C1orf21: variants seen among roughly 807,000 people sequenced by gnomAD.
C1orf21 encodes chromosome 1 open reading frame 21.
Under a neutral mutation model 18.7 loss-of-function variants are expected in C1orf21, and 3 were observed. The observed-to-expected ratio is 0.16, with a 90% CI of 0.07 to 0.42. The LOEUF (loss-of-function observed/expected upper bound fraction) is 0.42, where lower values mean the gene tolerates loss of function less well. Ranked by LOEUF, C1orf21 falls within the 10% of genes least tolerant of loss-of-function variation. The probability of loss-of-function intolerance (pLI) is 0.99; values close to 1 mark genes in which losing one functional copy is unlikely to be tolerated. For missense variants in C1orf21, 104 were observed against 143.6 expected (o/e 0.72, Z 1.41); for synonymous variants, 41 against 46.4 (o/e 0.88, Z 0.47).
chr1:184,475,671 T>A (rs1657559718), intron 1 of C1orf21, among the ~76,000 whole-genome samples: 1 of 151,946 alleles, frequency 6.6e-6, no homozygotes, highest in African/African-American at 2.4e-5. Context: ...TACACCAGTA[T>A]GAATAGACCA....
At position 184,477,737 on chromosome 1, in the gene C1orf21, A is replaced by C. The variant is rs528266262; in HGVS notation, c.94+134A>C. On this transcript the variant is annotated intron_variant, in intron 2 of 5. Coordinates refer to ENST00000235307, the MANE Select transcript of C1orf21 (RefSeq NM_030806.4). Reference sequence around the variant, plus strand: ...TACATGCCTAGAATGTGTAACGATCAAGTCGGTATTTAGGATATCTATCAC... The same window carrying C: ...TACATGCCTAGAATGTGTAACGATCCAGTCGGTATTTAGGATATCTATCAC... 1.1e-4 allele frequency: 76 copies of C among 684,416 alleles called. 1 individual carries two copies. The South Asian group carries it at 1.5e-3, about 14-fold the overall frequency. 42.4% of individuals were successfully genotyped at this position (684,416 alleles called of 1,614,324 possible).
intron 4 of C1orf21, among the ~76,000 whole-genome samples, chr1:184,597,981 T>TC (rs1659539002): frequency 6.6e-6 from 1 of 152,228 alleles, no homozygotes; most frequent in Non-Finnish European, 1.5e-5. Context: ...CTGATACTGA[T>TC]AACCTTTGTA....
At chr1:184,447,412 G>A (rs1321909785) in intron 1 of C1orf21, among the ~76,000 whole-genome samples, 2 of 152,174 alleles carry the variant, frequency 1.3e-5, no homozygotes, top group African/African-American at 4.8e-5. Context: ...CACGTTTCAT[G>A]GCTTTTTCTT....
intron 3 of C1orf21, among the ~76,000 whole-genome samples, chr1:184,517,855 C>T (rs1658252789): frequency 6.6e-6 from 1 of 152,178 alleles, no homozygotes; most frequent in Admixed American, 6.5e-5. Flanking sequence ...ATGGTTCTAA[C>T]TCAGTAGTCT....
intron 3 of C1orf21, among the ~76,000 whole-genome samples, chr1:184,515,933 C>T (rs955629420): frequency 6.6e-6 from 1 of 152,184 alleles, no homozygotes; most frequent in Non-Finnish European, 1.5e-5. Flanking sequence ...CTGCCTCAGC[C>T]TCCTGAGTAA....
intron 3 of C1orf21, among the ~76,000 whole-genome samples, chr1:184,579,385 T>G (rs1344792235): frequency 8.2e-6 from 1 of 121,528 alleles, no homozygotes; most frequent in African/African-American, 3.4e-5. Flanking sequence ...CTGGGTTTTT[T>G]TTTTTTTTTT....
intron 1 of C1orf21, among the ~76,000 whole-genome samples, chr1:184,401,687 T>C (rs1353973800): frequency 6.6e-6 from 1 of 152,048 alleles, no homozygotes; most frequent in Non-Finnish European, 1.5e-5. Flanking sequence ...TTTTAAGTCA[T>C]TGTTGGAAAA....
At chr1:184,563,731 G>T (rs1475064939) in intron 3 of C1orf21, among the ~76,000 whole-genome samples, 1 of 152,222 alleles carries the variant, frequency 6.6e-6, no homozygotes, top group Non-Finnish European at 1.5e-5. Flanking sequence ...CATTGTCGCT[G>T]CTTTGGTTGG....
At position 184,407,477 on chromosome 1, in the gene C1orf21, T is replaced by C. The variant is rs1407260330; in HGVS notation, c.-125+20109T>C. On this transcript the variant is annotated intron_variant, in intron 1 of 5. Transcript: ENST00000235307. ...AGAAAATCTCTCAGGTAAGATTTTC[T>C]TTTTAAGCTAAATGAGACTTTCCCC... Among the ~76,000 whole-genome samples, 13 of 152,368 alleles carry C rather than the reference T, an allele frequency of 8.5e-5. No homozygotes were observed. In the East Asian group the frequency reaches 2.1e-3, roughly 25 times the overall value.
chr1:184,530,834 C>G lies in C1orf21; in HGVS notation c.189+23152C>G, dbSNP rs1303024643. Among the ~76,000 whole-genome samples, 2 of 152,092 alleles carry G rather than the reference C, an allele frequency of 1.3e-5. 1 individual carries two copies. Among genetic ancestry groups the G allele is most frequent in the Non-Finnish European group, 2.9e-5 (2 of 68,006 alleles). ...ATACCCTACTGAACGTCAGTATCCTCCCTTTAAGAGATTGCCCCTTTTCTT... is the reference window on the plus strand; with the variant it reads ...ATACCCTACTGAACGTCAGTATCCTGCCTTTAAGAGATTGCCCCTTTTCTT... On this transcript the variant is annotated intron_variant, in intron 3 of 5. Coordinates refer to ENST00000235307, the MANE Select transcript of C1orf21 (RefSeq NM_030806.4).
chr1:184,558,686 C>T (rs950537070), intron 3 of C1orf21, among the ~76,000 whole-genome samples: 1 of 152,186 alleles, frequency 6.6e-6, no homozygotes, highest in Non-Finnish European at 1.5e-5. Context: ...TTCGAGTAAA[C>T]TTGGGCTAGC....
intron 2 of C1orf21, among the ~76,000 whole-genome samples, chr1:184,489,572 T>C (rs1038091081): frequency 1.3e-5 from 2 of 152,110 alleles, no homozygotes; most frequent in Non-Finnish European, 2.9e-5. Flanking sequence ...GTGCTAGGAA[T>C]TTATCTTAGG....
chr1:184,588,859 GCCT>G (rs1298815719), intron 3 of C1orf21, among the ~76,000 whole-genome samples: 1 of 152,056 alleles, frequency 6.6e-6, no homozygotes. Context: ...TCTTCCTGTT[GCCT>G]CTGTCTCACT....
chr1:184,567,616 G>C (rs574286778), intron 3 of C1orf21: 6 of 446,816 alleles, frequency 1.3e-5, no homozygotes, highest in African/African-American at 8.0e-5. Context: ...GGGGCAGGCA[G>C]TGGAGGATGC....
intron 1 of C1orf21, among the ~76,000 whole-genome samples, chr1:184,428,354 G>A (rs1478662774): frequency 1.3e-5 from 2 of 152,178 alleles, no homozygotes; most frequent in African/African-American, 4.8e-5. Context: ...TTACTTCAAT[G>A]AACAGCTGAG....
rs906536032 is a variant in C1orf21, at chr1:184,624,127, A to G, written c.*4571A>G. 3 of 152,662 alleles carry G rather than the reference A, an allele frequency of 2.0e-5. No individual in the cohort carries two copies. Among genetic ancestry groups the G allele is most frequent in the Admixed American group, 2.0e-4 (3 of 15,284 alleles). 9.5% of individuals were successfully genotyped at this position (152,662 alleles called of 1,614,324 possible). ...CCATGTTGAAAGAAGGAAAGATGTC[A>G]TTCAAGTATTTTTCAAATTCTTTTT... On this transcript the variant is annotated 3_prime_UTR_variant, in exon 6 of 6. Coordinates refer to ENST00000235307, the MANE Select transcript of C1orf21 (RefSeq NM_030806.4).
chr1:184,610,548 G>A (rs920822244), intron 5 of C1orf21, among the ~76,000 whole-genome samples: 1 of 152,098 alleles, frequency 6.6e-6, no homozygotes, highest in Non-Finnish European at 1.5e-5. Flanking sequence ...TGAAAAGTAC[G>A]TGGCTTAAAG....
At chr1:184,520,337 A>C (rs1301005287) in intron 3 of C1orf21, among the ~76,000 whole-genome samples, 4 of 152,196 alleles carry the variant, frequency 2.6e-5, no homozygotes, top group Non-Finnish European at 4.4e-5. Context: ...GAATTTTTAC[A>C]GTTGAGTGCA....
At chr1:184,460,620 G>GTCGTCGTCTTCTTCT (rs1284129710) in intron 1 of C1orf21, among the ~76,000 whole-genome samples, 62 of 112,082 alleles carry the variant, frequency 5.5e-4, no homozygotes, top group African/African-American at 2.4e-3. Context: ...TGTCGTCGTC[G>GTCGTCGTCTTCTTCT]TCTTCTTCTT....
Sources: gnomAD v4.1 joint callset for allele counts (sites outside exome capture counted in the v4.1 genomes callset) on GRCh38, gnomAD v4.1.1 for gene constraint, MANE v1.5 for transcripts, NCBI Gene and HGNC (gene_info 2026-07-23, HGNC 2026-07-21) for gene names.